CEACAM7: variants seen among roughly 807,000 people sequenced by gnomAD.
CEACAM7 encodes CEA cell adhesion molecule 7.
Under a neutral mutation model 25.7 loss-of-function variants are expected in CEACAM7, and 24 were observed. The ratio of observed to expected loss-of-function variants is 0.93; its 90% CI spans 0.68 to 1.31. CEACAM7 has a LOEUF of 1.31. CEACAM7 is among the 40% of genes most tolerant of loss of function. The pLI is 0.00. For synonymous variants in CEACAM7, 144 were observed against 129.4 expected (o/e 1.11, Z -0.77); for missense variants, 324 against 330.1 (o/e 0.98, Z 0.14).
intron 3 of CEACAM7, among the ~76,000 whole-genome samples, chr19:41,677,806 T>G (rs1333061396): frequency 1.3e-5 from 2 of 152,182 alleles, no homozygotes; most frequent in Admixed American, 6.5e-5. Flanking sequence ...CATTAAAACT[T>G]CCCACTTTTT....
Position 41,684,022 on chromosome 19 carries a change from G to C in CEACAM7, c.469C>G (p.Pro157Ala), listed in dbSNP as rs1555810965. ...ACCACAATATCTTTGTTCTCCACCG[G>C]ATTGAAGTTGTTGCTGGTGATGGAG... ...KPSITSNNFN[P>A]VENKDIVVLT... is the part of the protein sequence containing the mutation. The change falls in exon 3 of 5, where the codon CCG (proline) becomes GCG (alanine). Residue 157 changes from proline (P) to alanine (A), a missense_variant. By Grantham distance (27) the Pro-to-Ala change is conservative. Coordinates refer to ENST00000401731, the MANE Select transcript of CEACAM7 (RefSeq NM_001291485.2). The C allele has an allele frequency of 6.2e-7, 1 of 1,614,190 alleles. No homozygotes were observed. The highest frequency in any genetic ancestry group is 1.7e-5 in the Admixed American group (1 of 60,024).
chr19:41,677,087 C>T (rs2072121294), intron 4 of CEACAM7, among the ~76,000 whole-genome samples: 2 of 152,124 alleles, frequency 1.3e-5, no homozygotes, highest in African/African-American at 4.8e-5. Flanking sequence ...GAGAGAACAG[C>T]ACAAGTGAAA....
chr19:41,685,808 T>C (rs1348744229), intron 2 of CEACAM7, among the ~76,000 whole-genome samples: 1 of 152,086 alleles, frequency 6.6e-6, no homozygotes, highest in Non-Finnish European at 1.5e-5. Flanking sequence ...TAAAAACTAA[T>C]TCTCTATTTG....
rs138023329 is a variant in CEACAM7 at position 41,688,055 on chromosome 19, T to C, written c.64+47A>G. 1.1e-3 allele frequency: 1,674 copies of C among 1,557,024 alleles called. 19 individuals are homozygous for C. In the African/African-American group the frequency reaches 0.02, roughly 19 times the overall value. ...GTCCTCCCAAGGAGACCCCAGCCAG[T>C]CTCTCTGGCCCTCCTCCCACCCACT... On this transcript the variant is annotated intron_variant, in intron 1 of 4. Transcript: ENST00000401731.
At position 41,683,981 on chromosome 19, in the gene CEACAM7, A is replaced by G. The variant is rs372511257; in HGVS notation, c.510T>C (p.Pro170=). Residue 170 remains proline, a synonymous_variant, in exon 3 of 5, where the codon CCT becomes CCC. Transcript: ENST00000401731. ...NKDIVVLTCQ[P]ETQNTTYLWW... is the part of the protein sequence containing the mutation. ...ACAGGTAGGTTGTGTTCTGAGTCTC[A>G]GGTTGACAGGTTAAAACCACAATAT... 19 of 1,614,220 alleles carry G rather than the reference A, an allele frequency of 1.2e-5. No individual in the cohort carries two copies. Among genetic ancestry groups the G allele is most frequent in the Non-Finnish European group, 1.1e-5 (13 of 1,180,036 alleles).
At chr19:41,684,116 C>G (rs1270849529) in intron 2 of CEACAM7, 53 bp from the exon 3 acceptor site, 3 of 1,583,886 alleles carry the variant, frequency 1.9e-6, no homozygotes, top group Admixed American at 3.4e-5. Context: ...TTGGTTCCCC[C>G]ACGGACATCT....
In CEACAM7 at chr19:41,687,031, A is replaced by AT. The variant is rs782342030; in HGVS notation, c.254dup (p.Asn85LysfsTer33). ...GCCCTGGGGCATTTTCTTGACTTAT[A>AT]TTTTTTACATATCCTATAATTCGAT... On this transcript the variant is annotated frameshift_variant, in exon 2 of 5. Transcript: ENST00000401731. LOFTEE classifies it high-confidence loss of function. 1.9e-6 allele frequency: 3 copies of AT among 1,613,530 alleles called. No homozygotes were observed. The highest frequency in any genetic ancestry group is 2.5e-6 in the Non-Finnish European group (3 of 1,179,902).
intron 3 of CEACAM7, among the ~76,000 whole-genome samples, chr19:41,678,306 C>G (rs2072136884): frequency 7.4e-6 from 1 of 135,730 alleles, no homozygotes; most frequent in Non-Finnish European, 1.6e-5. Flanking sequence ...ATGCCTGTTT[C>G]TCCCATGTAT....
At chr19:41,686,611 C>A (rs1472541571) in intron 2 of CEACAM7, among the ~76,000 whole-genome samples, 1 of 152,146 alleles carries the variant, frequency 6.6e-6, no homozygotes, top group Non-Finnish European at 1.5e-5. Context: ...AGACTGATCT[C>A]CCCCTGCTGA....
At chr19:41,676,768 T>A (rs1243553589) in intron 4 of CEACAM7, among the ~76,000 whole-genome samples, 2 of 152,172 alleles carry the variant, frequency 1.3e-5, no homozygotes, top group Non-Finnish European at 2.9e-5. Flanking sequence ...GGAGGAAGGT[T>A]ACCTTGTTTT....
intron 1 of CEACAM7, 64 bp from the exon 2 acceptor site, chr19:41,687,285 C>T: frequency 2.6e-6 from 4 of 1,509,886 alleles, no homozygotes; most frequent in South Asian, 1.3e-5. Flanking sequence ...AAGATGGGGC[C>T]CTGGATCCTG....
intron 3 of CEACAM7, among the ~76,000 whole-genome samples, chr19:41,680,996 G>A (rs117213790): frequency 0.015 from 2,249 of 152,174 alleles, 40 homozygotes; most frequent in Admixed American, 0.058. Context: ...CATGGAATGG[G>A]AGAAAATATT....
intron 1 of CEACAM7, 114 bp from the exon 2 acceptor site, chr19:41,687,335 G>C (rs912635691): frequency 4.2e-6 from 3 of 714,558 alleles, no homozygotes; most frequent in Non-Finnish European, 6.1e-6. Flanking sequence ...AAGTAAGTGT[G>C]TGTGTGTGTG....
intron 3 of CEACAM7, among the ~76,000 whole-genome samples, chr19:41,680,705 G>A (rs1223179832): frequency 6.6e-6 from 1 of 152,168 alleles, no homozygotes; most frequent in African/African-American, 2.4e-5. Context: ...GGATATCCAT[G>A]AAGAAGGATG....
chr19:41,683,096 A>G (rs2072191272), intron 3 of CEACAM7, among the ~76,000 whole-genome samples: 1 of 152,218 alleles, frequency 6.6e-6, no homozygotes, highest in Non-Finnish European at 1.5e-5. Flanking sequence ...AACACCAGAG[A>G]GACCCCATCT....
intron 3 of CEACAM7, among the ~76,000 whole-genome samples, chr19:41,682,041 G>C (rs907113616): frequency 3.9e-5 from 6 of 152,146 alleles, no homozygotes; most frequent in African/African-American, 1.4e-4. Flanking sequence ...GACATTCTGG[G>C]CTGAAGTGGT....
At position 41,673,347 on chromosome 19, in the gene CEACAM7, A is replaced by G. The variant is rs1197501894; in HGVS notation, c.*1429T>C. On this transcript the variant is annotated 3_prime_UTR_variant, in exon 5 of 5. Coordinates refer to ENST00000401731, the MANE Select transcript of CEACAM7 (RefSeq NM_001291485.2). ...TTATTTGTGATTCATGAGTCAGGGC[A>G]GTTTCCATTCTGCAAAATATAGTGA... 8 of 152,264 alleles carry G rather than the reference A, an allele frequency of 5.3e-5. No homozygotes were observed. The highest frequency in any genetic ancestry group is 7.3e-5 in the Non-Finnish European group (5 of 68,044). 9.4% of individuals were successfully genotyped at this position (152,264 alleles called of 1,614,324 possible). A position where few individuals can be genotyped will look rare whatever the true frequency, so the allele number is the denominator to read the frequency against.
At chr19:41,676,911 GA>G (rs1555810147) in intron 4 of CEACAM7, among the ~76,000 whole-genome samples, 1 of 152,198 alleles carries the variant, frequency 6.6e-6, no homozygotes, top group Non-Finnish European at 1.5e-5. Flanking sequence ...AAGGATTCAT[GA>G]AGAGAAGAAA....
At chr19:41,687,572 T>G (rs1555811375) in intron 1 of CEACAM7, among the ~76,000 whole-genome samples, 1 of 152,184 alleles carries the variant, frequency 6.6e-6, no homozygotes, top group African/African-American at 2.4e-5. Context: ...TTTAGAGCTC[T>G]TGTCAACACC....
Sources: allele counts gnomAD v4.1 joint callset (sites outside exome capture counted in the v4.1 genomes callset), GRCh38; gene constraint gnomAD v4.1.1; transcripts MANE v1.5; gene names NCBI Gene and HGNC (gene_info 2026-07-23, HGNC 2026-07-21).